The following SLC33A1 variants were observed in gnomAD, a reference collection of about 807,000 sequenced individuals.
SLC33A1 encodes acetyl-coenzyme A transporter 1.
In SLC33A1, 20 loss-of-function variants were observed where a neutral mutation model predicts 50.0. That is an observed-to-expected ratio of 0.40 (90% CI 0.28 to 0.58). SLC33A1 has a LOEUF of 0.58. Ranked by LOEUF, SLC33A1 falls within the 20% of genes least tolerant of loss-of-function variation. The pLI is 0.44. For synonymous variants in SLC33A1, 265 were observed against 251.8 expected (o/e 1.05, Z -0.50); for missense variants, 476 against 657.0 (o/e 0.72, Z 3.01).
rs1362063525 is a variant in SLC33A1 at position 155,826,107 on chromosome 3, C to T, written c.*2103G>A. On this transcript the variant is annotated 3_prime_UTR_variant, in exon 6 of 6. Transcript: ENST00000643144. ...CTGACATTAAAACTATGTTTGAAGG[C>T]TGGGCGCAGTGGCTCATGCCTGTAA... 1.3e-5 allele frequency: 2 copies of T among 152,136 alleles called. No homozygotes were observed. The highest frequency in any genetic ancestry group is 1.3e-4 in the Admixed American group (2 of 15,266). The allele number at this position is 152,136 out of a possible 1,614,324, so 9.4% of individuals were successfully genotyped here. A position where few individuals can be genotyped will look rare whatever the true frequency, so the allele number is the denominator to read the frequency against.
chr3:155,835,092 G>A (rs1177261617), intron 2 of SLC33A1, among the ~76,000 whole-genome samples: 2 of 152,132 alleles, frequency 1.3e-5, no homozygotes, highest in African/African-American at 4.8e-5. Flanking sequence ...ATTGAGTTGT[G>A]GTTTTGTAAG....
intron 2 of SLC33A1, among the ~76,000 whole-genome samples, chr3:155,834,336 G>A (rs1348690581): frequency 1.3e-5 from 2 of 152,036 alleles, no homozygotes; most frequent in East Asian, 1.9e-4. Context: ...TATAGTAAAC[G>A]GGGTCAAAAA....
At chr3:155,836,280 C>CAAAAAAAAAAAAAAAAAAAAAAAAAA (rs57460942) in intron 2 of SLC33A1, among the ~76,000 whole-genome samples, 2 of 27,162 alleles carry the variant, frequency 7.4e-5, no homozygotes, top group African/African-American at 2.8e-4. Flanking sequence ...GAGACTCTGT[C>CAAAAAAAAAAAAAAAAAAAAAAAAAA]AAAAAAAAAA....
Position 155,853,906 on chromosome 3 carries a change from G to T in SLC33A1, c.92C>A (p.Pro31Gln). The T allele has an allele frequency of 6.5e-7, 1 of 1,545,256 alleles. No individual in the cohort carries two copies. Among genetic ancestry groups the T allele is most frequent in the Non-Finnish European group, 8.7e-7 (1 of 1,149,384 alleles). ...ATGACTGTCATCCCAACCGCCTGGC[G>T]GCAGGGGACCGCTCTTCATATCCAG... is the stretch of plus-strand genomic sequence containing the variant. ...HSLDMKSGPL[P>Q]PGGWDDSHLD... The change falls in exon 1 of 6, where the codon CCG (proline) becomes CAG (glutamine). Residue 31 changes from proline (P) to glutamine (Q), a missense_variant. Physicochemically the swap from Pro to Gln is moderately conservative, Grantham distance 76. Transcript: ENST00000643144.
At chr3:155,835,715 T>C (rs1012959050) in intron 2 of SLC33A1, among the ~76,000 whole-genome samples, 4 of 152,162 alleles carry the variant, frequency 2.6e-5, no homozygotes, top group African/African-American at 9.7e-5. Flanking sequence ...CACCTGGACC[T>C]TACCGGTTTT....
chr3:155,823,705 GTTTTGT>G lies in SLC33A1; in HGVS notation c.*4499_*4504del, dbSNP rs987245012. On this transcript the variant is annotated 3_prime_UTR_variant, in exon 6 of 6. Coordinates refer to ENST00000643144, the MANE Select transcript of SLC33A1 (RefSeq NM_004733.4). Reference sequence around the variant, plus strand: ...AACATGGTCTGCAGTAGGTGTTTTTGTTTTGTTTTTGTTTGTTTGTTTTTGAAACGG... The same window carrying G: ...AACATGGTCTGCAGTAGGTGTTTTTGTTTTGTTTGTTTGTTTTTGAAACGG... 2 of 151,924 alleles carry G rather than the reference GTTTTGT, an allele frequency of 1.3e-5. No individual in the cohort carries two copies. Among genetic ancestry groups the G allele is most frequent in the African/African-American group, 2.4e-5 (1 of 41,352 alleles). The allele number at this position is 151,924 out of a possible 1,614,324, so 9.4% of individuals were successfully genotyped here.
rs139237168 is a variant in SLC33A1, at chr3:155,840,915, G to A, written c.963+1517C>T. Among the ~76,000 whole-genome samples the A allele has an allele frequency of 6.9e-3, 1,046 of 152,274 alleles. 18 individuals carry two copies. Among genetic ancestry groups the A allele is most frequent in the African/African-American group, 0.024 (988 of 41,554 alleles). On this transcript the variant is annotated intron_variant, in intron 2 of 5. Coordinates refer to ENST00000643144, the MANE Select transcript of SLC33A1 (RefSeq NM_004733.4). The stretch of plus-strand genomic sequence containing the variant: ...CAGGAGAATCGCTTGAACCCAGGAG[G>A]CAGAGGTTGCAGTGAGCTGAGATTG...
intron 2 of SLC33A1, among the ~76,000 whole-genome samples, chr3:155,836,739 A>G (rs75903266): frequency 0.03 from 4,501 of 151,944 alleles, 226 homozygotes; most frequent in African/African-American, 0.1. Flanking sequence ...TCTACAAAAT[A>G]TTTTTTTTAA....
In SLC33A1 at chr3:155,853,481, TTC is replaced by T. The variant is rs1343950181; in HGVS notation, c.515_516del (p.Arg172AsnfsTer15). 2 of 1,613,912 alleles carry T rather than the reference TTC, an allele frequency of 1.2e-6. No homozygotes were observed. Among genetic ancestry groups the T allele is most frequent in the Non-Finnish European group, 1.7e-6 (2 of 1,179,992 alleles). On this transcript the variant is annotated frameshift_variant, in exon 1 of 6. Coordinates refer to ENST00000643144, the MANE Select transcript of SLC33A1 (RefSeq NM_004733.4). LOFTEE classifies it high-confidence loss of function. ...VDRLLGNTDDRTPDVIALTVA... is the reference protein window; with the variant it reads ...VDRLLGNTDDXTPDVIALTVA... Reference sequence around the variant, plus strand: ...ACAGTGAGAGCAATCACGTCGGGTGTTCTGTCATCGGTATTCCCAAGCAAACG... The same window carrying T: ...ACAGTGAGAGCAATCACGTCGGGTGTTGTCATCGGTATTCCCAAGCAAACG...
rs1243284596 is a variant in SLC33A1 at position 155,833,863 on chromosome 3, G to A, written c.1142C>T (p.Pro381Leu). The A allele has an allele frequency of 1.9e-6, 3 of 1,612,012 alleles. No individual in the cohort carries two copies. The highest frequency in any genetic ancestry group is 2.5e-6 in the Non-Finnish European group (3 of 1,178,498). Residue 381 changes from proline to leucine, a missense_variant, in exon 3 of 6, where the codon CCC becomes CTC. Pro to Leu is a moderately conservative substitution (Grantham distance 98). Coordinates refer to ENST00000643144, the MANE Select transcript of SLC33A1 (RefSeq NM_004733.4). The part of the protein sequence containing the change: ...QPLNTFYKAM[P>L]YRLLLGLEYA... ...GGTTTTATTTCATTTTTACCTGTAG[G>A]GCATGGCTTTGTAAAATGTGTTTAA...
chr3:155,844,264 T>A (rs1753039599), intron 1 of SLC33A1, among the ~76,000 whole-genome samples: 1 of 151,774 alleles, frequency 6.6e-6, no homozygotes, highest in Non-Finnish European at 1.5e-5. Flanking sequence ...GCTAAGCATG[T>A]GTTATTATTA....
In SLC33A1 at chr3:155,852,801, C is replaced by A. The variant is rs1376544011; in HGVS notation, c.775+422G>T. ...GTTCAATAATGTTTGAACGAATAAA[C>A]CCTGTTCCATTCACTAGAAGGCTGG... On this transcript the variant is annotated intron_variant, in intron 1 of 5. Coordinates refer to ENST00000643144, the MANE Select transcript of SLC33A1 (RefSeq NM_004733.4). 3.3e-5 allele frequency among the ~76,000 whole-genome samples: 5 copies of A among 152,168 alleles called. 1 individual carries two copies. Among genetic ancestry groups the A allele is most frequent in the Non-Finnish European group, 7.3e-5 (5 of 68,044 alleles).
rs1753489808 is a variant in SLC33A1 at position 155,853,404 on chromosome 3, A to G, written c.594T>C (p.Asp198=). ...FLAATQDIAV[D]GWALTMLSRE... Reference sequence around the variant, plus strand: ...TGGATAACATAGTTAACGCCCAACCATCGACGGCAATGTCCTGAGTGGCGG... The same window carrying G: ...TGGATAACATAGTTAACGCCCAACCGTCGACGGCAATGTCCTGAGTGGCGG... Residue 198 remains aspartate, a synonymous_variant, in exon 1 of 6, where the codon GAT becomes GAC. Transcript: ENST00000643144. 3.1e-6 allele frequency: 5 copies of G among 1,614,018 alleles called. No homozygotes were observed. In the African/African-American group the frequency reaches 4.0e-5, roughly 13 times the overall value.
In SLC33A1 at chr3:155,833,557, G is replaced by T; in HGVS notation, c.1177C>A (p.Leu393Met). Residue 393 changes from leucine (L) to methionine (M), a missense_variant, in exon 4 of 6, where the codon CTG becomes ATG. By Grantham distance (15) the Leu-to-Met change is conservative. Coordinates refer to ENST00000643144, the MANE Select transcript of SLC33A1 (RefSeq NM_004733.4). ...TCTACTTTAGGAGTCCACCAAACCA[G>T]TAGGGCATATTCTAACCCAAGCAAT... ...RLLLGLEYAL[L>M]VWWTPKVEHQ... is the part of the protein sequence containing the mutation. The T allele has an allele frequency of 6.3e-7, 1 of 1,596,012 alleles. No homozygotes were observed. Among genetic ancestry groups the T allele is most frequent in the Non-Finnish European group, 8.6e-7 (1 of 1,163,778 alleles).
Position 155,853,514 on chromosome 3 carries a change from C to G in SLC33A1, c.484G>C (p.Val162Leu), listed in dbSNP as rs776093631. Residue 162 changes from valine (V) to leucine (L), a missense_variant, in exon 1 of 6, where the codon GTG becomes CTG. Coordinates refer to ENST00000643144, the MANE Select transcript of SLC33A1 (RefSeq NM_004733.4). Reference protein sequence around the residue: ...GLFMIYLSTQVDRLLGNTDDR... With the variant: ...GLFMIYLSTQLDRLLGNTDDR... ...TCGGTATTCCCAAGCAAACGGTCCA[C>G]CTGAGTGGATAAATAGATCATGAAG... The G allele has an allele frequency of 1.2e-6, 2 of 1,614,130 alleles. No individual in the cohort carries two copies. Among genetic ancestry groups the G allele is most frequent in the South Asian group, 2.2e-5 (2 of 91,080 alleles).
chr3:155,831,638 T>G (rs2109308613), intron 4 of SLC33A1, among the ~76,000 whole-genome samples: 1 of 152,270 alleles, frequency 6.6e-6, no homozygotes, highest in East Asian at 1.9e-4. Flanking sequence ...AATTCTCAAA[T>G]GAAATCCAAA....
At chr3:155,836,917 C>T (rs1752703937) in intron 2 of SLC33A1, among the ~76,000 whole-genome samples, 2 of 151,882 alleles carry the variant, frequency 1.3e-5, no homozygotes, top group African/African-American at 4.8e-5. Flanking sequence ...GAAACAACAA[C>T]TTTACAAATT....
intron 2 of SLC33A1, among the ~76,000 whole-genome samples, chr3:155,840,981 C>CT (rs1560018021): frequency 6.6e-6 from 1 of 150,560 alleles, no homozygotes; most frequent in African/African-American, 2.5e-5. Context: ...GAGACTTTGT[C>CT]TCAAAAAAAA....
At chr3:155,838,566 A>C (rs1560016737) in intron 2 of SLC33A1, among the ~76,000 whole-genome samples, 1 of 151,580 alleles carries the variant, frequency 6.6e-6, no homozygotes, top group Non-Finnish European at 1.5e-5. Context: ...CTGTAATCCC[A>C]GCTACTCCGG....
Sources: gnomAD v4.1 joint callset for allele counts (sites outside exome capture counted in the v4.1 genomes callset) on GRCh38, gnomAD v4.1.1 for gene constraint, MANE v1.5 for transcripts, NCBI Gene and HGNC (gene_info 2026-07-23, HGNC 2026-07-21) for gene names.